Variants in KRABD5 observed in about 807,000 individuals in gnomAD.
KRABD5 encodes the protein KRAB domain containing 5.
the KRABD5 span, among the ~76,000 whole-genome samples, chr16:31,720,704 G>C: frequency 6.6e-6 from 1 of 152,166 alleles, no homozygotes; most frequent in African/African-American, 2.4e-5. Context: ...CATTCACCTG[G>C]TTCAGGTGCT....
the KRABD5 span, among the ~76,000 whole-genome samples, chr16:31,747,953 C>T: frequency 1.2e-4 from 19 of 152,106 alleles, no homozygotes; most frequent in African/African-American, 1.4e-4. Flanking sequence ...CTCTTCCCTC[C>T]GATGGTAGTT....
chr16:31,753,041 T>A, the KRABD5 span, among the ~76,000 whole-genome samples: 1 of 152,186 alleles, frequency 6.6e-6, no homozygotes, highest in Admixed American at 6.6e-5. Flanking sequence ...TTTGTTGATA[T>A]TTTGATCAAG....
the KRABD5 span, chr16:31,755,612 A>T: frequency 2.1e-6 from 1 of 480,904 alleles, no homozygotes; most frequent in Non-Finnish European, 4.2e-6. Flanking sequence ...ACATCAGATG[A>T]TTCATACTGG....
chr16:31,726,821 G>A, the KRABD5 span, among the ~76,000 whole-genome samples: 1 of 152,048 alleles, frequency 6.6e-6, no homozygotes, highest in Non-Finnish European at 1.5e-5. Context: ...TCTGAAAAGT[G>A]ACATTGGAAT....
the KRABD5 span, among the ~76,000 whole-genome samples, chr16:31,730,622 A>G: frequency 2.0e-5 from 3 of 152,064 alleles, no homozygotes; most frequent in Non-Finnish European, 4.4e-5. Flanking sequence ...GTTTTAAGAC[A>G]TTATATCTTT....
chr16:31,750,136 G>T, the KRABD5 span, among the ~76,000 whole-genome samples: 1 of 152,120 alleles, frequency 6.6e-6, no homozygotes, highest in Non-Finnish European at 1.5e-5. Flanking sequence ...GGGCAGTATG[G>T]CCATTTTAAT....
chr16:31,735,285 C>T, the KRABD5 span, among the ~76,000 whole-genome samples: 1 of 152,066 alleles, frequency 6.6e-6, no homozygotes, highest in Non-Finnish European at 1.5e-5. Flanking sequence ...TGTGCATTTA[C>T]ACCACATTTT....
At chr16:31,754,593 T>G in the KRABD5 span, 2 of 487,056 alleles carry the variant, frequency 4.1e-6, no homozygotes, top group African/African-American at 3.9e-5. Flanking sequence ...ACCAACCATG[T>G]CCATCAGAGT....
At chr16:31,718,059 G>T in the KRABD5 span, among the ~76,000 whole-genome samples, 1 of 152,110 alleles carries the variant, frequency 6.6e-6, no homozygotes, top group East Asian at 1.9e-4. Flanking sequence ...GCACACACAT[G>T]CATTGAGTAG....
chr16:31,746,856 T>C, the KRABD5 span, among the ~76,000 whole-genome samples: 1 of 152,120 alleles, frequency 6.6e-6, no homozygotes, highest in African/African-American at 2.4e-5. Flanking sequence ...ATGCCTTATT[T>C]CAGCCAGGTG....
the KRABD5 span, among the ~76,000 whole-genome samples, chr16:31,745,421 T>A: frequency 7.2e-5 from 11 of 152,312 alleles, no homozygotes; most frequent in South Asian, 1.5e-3. Context: ...TCCATGTAAT[T>A]GTATGGTTTT....
chr16:31,722,214 C>T, the KRABD5 span, among the ~76,000 whole-genome samples: 5 of 152,130 alleles, frequency 3.3e-5, no homozygotes, highest in African/African-American at 9.7e-5. Context: ...GCTGGGATTA[C>T]AGGCATGTGC....
At chr16:31,750,887 G>T in the KRABD5 span, among the ~76,000 whole-genome samples, 1 of 152,062 alleles carries the variant, frequency 6.6e-6, no homozygotes, top group Non-Finnish European at 1.5e-5. Flanking sequence ...AGTCGCCAGA[G>T]TACCTGTGAC....
the KRABD5 span, chr16:31,755,408 T>A: frequency 2.0e-6 from 1 of 495,330 alleles, no homozygotes; most frequent in Non-Finnish European, 4.1e-6. Context: ...TGGCAAAGCC[T>A]TTAACTGTAG....
chr16:31,739,610 T>G, the KRABD5 span, among the ~76,000 whole-genome samples: 1 of 152,202 alleles, frequency 6.6e-6, no homozygotes. Flanking sequence ...TTTGGAAAAT[T>G]CTCAGCCATC....
chr16:31,722,548 CTT>C, the KRABD5 span: 1 of 1,556,826 alleles, frequency 6.4e-7, no homozygotes, highest in East Asian at 2.3e-5. Flanking sequence ...TCTTAGCTCT[CTT>C]ATTTCATCTT....
At chr16:31,724,029 C>G in the KRABD5 span, among the ~76,000 whole-genome samples, 1 of 152,110 alleles carries the variant, frequency 6.6e-6, no homozygotes, top group Admixed American at 6.5e-5. Flanking sequence ...ATATTACTTA[C>G]TATGTAGAAT....
chr16:31,750,875 T>G, the KRABD5 span, among the ~76,000 whole-genome samples: 21 of 151,894 alleles, frequency 1.4e-4, no homozygotes, highest in Non-Finnish European at 2.4e-4. Context: ...TTCTCATGCC[T>G]CAGTCGCCAG....
At chr16:31,759,919 C>CA in the KRABD5 span, 5 of 150,048 alleles carry the variant, frequency 3.3e-5, no homozygotes, top group Admixed American at 6.6e-5. Flanking sequence ...CTCACTATCT[C>CA]AGAATGTTAG....
Sources: allele counts gnomAD v4.1 joint callset (sites outside exome capture counted in the v4.1 genomes callset), GRCh38; gene constraint gnomAD v4.1.1; transcripts MANE v1.5; gene names NCBI Gene and HGNC (gene_info 2026-07-23, HGNC 2026-07-21).